The following RFT1 variants were observed in gnomAD, a reference collection of about 807,000 sequenced individuals.
RFT1 encodes the protein RFT1 glycolipid translocator homolog, also known as man(5)GlcNAc(2)-PP-dolichol translocation protein RFT1.
A neutral mutation model predicts 62.2 loss-of-function variants in RFT1; 43 were observed. The observed-to-expected ratio is 0.69, with a 90% CI of 0.54 to 0.89. RFT1 has a LOEUF of 0.89. Among genes scored for constraint, RFT1 ranks in the 40% least tolerant of loss-of-function variants. The pLI is 0.00. For synonymous variants in RFT1, 262 were observed against 264.6 expected (o/e 0.99, Z 0.10); for missense variants, 605 against 649.9 (o/e 0.93, Z 0.75).
the RFT1 span, among the ~76,000 whole-genome samples, chr3:53,077,389 GC>G: frequency 6.6e-6 from 1 of 152,208 alleles, no homozygotes; most frequent in South Asian, 2.1e-4. Flanking sequence ...ACCAATGCAT[GC>G]TACAAAGATG....
the RFT1 span, among the ~76,000 whole-genome samples, chr3:53,082,630 C>T: frequency 2.0e-5 from 3 of 152,162 alleles, no homozygotes; most frequent in East Asian, 1.9e-4. Context: ...TCTGTGCCTC[C>T]GTTTCCTCAC....
chr3:53,103,969 C>T lies in RFT1; in HGVS notation c.1086G>A (p.Met362Ile). 6.2e-7 allele frequency: 1 copy of T among 1,614,218 alleles called. No individual in the cohort carries two copies. Among genetic ancestry groups the T allele is most frequent in the Non-Finnish European group, 8.5e-7 (1 of 1,180,038 alleles). Residue 362 changes from methionine (M) to isoleucine (I), a missense_variant, in exon 10 of 13, where the codon ATG becomes ATA. Met to Ile is a conservative substitution (Grantham distance 10). Coordinates refer to ENST00000296292, the MANE Select transcript of RFT1 (RefSeq NM_052859.4). ...TGTGCGTACCGGATCCTGAGCTAAGCATGGTCCCTCCGTAGATATCCAGAG... is the reference window on the plus strand; with the variant it reads ...TGTGCGTACCGGATCCTGAGCTAAGTATGGTCCCTCCGTAGATATCCAGAG... Reference protein sequence around the residue: ...QLALDIYGGTMLSSGSGPVLL... With the variant: ...QLALDIYGGTILSSGSGPVLL...
intron 11 of RFT1, among the ~76,000 whole-genome samples, chr3:53,096,461 C>T (rs2107083736): frequency 6.6e-6 from 1 of 152,100 alleles, no homozygotes; most frequent in East Asian, 2.0e-4. Context: ...ATGGGCAGAT[C>T]ACCTGAGGTC....
At chr3:53,113,602 C>T (rs1701712290) in intron 6 of RFT1, among the ~76,000 whole-genome samples, 1 of 152,106 alleles carries the variant, frequency 6.6e-6, no homozygotes, top group Non-Finnish European at 1.5e-5. Context: ...TTTCTAGCAG[C>T]CACAGTGCAC....
At chr3:53,097,130 G>A (rs1701164747) in intron 11 of RFT1, among the ~76,000 whole-genome samples, 1 of 152,086 alleles carries the variant, frequency 6.6e-6, no homozygotes, top group African/African-American at 2.4e-5. Flanking sequence ...TTCAGAATCT[G>A]AAATGTCCAA....
chr3:53,110,663 A>G (rs1701622697), intron 7 of RFT1, among the ~76,000 whole-genome samples: 1 of 152,134 alleles, frequency 6.6e-6, no homozygotes, highest in South Asian at 2.1e-4. Context: ...GATGGGGGGG[A>G]AATAAAATAA....
chr3:53,096,340 T>G (rs1701137098), intron 11 of RFT1, among the ~76,000 whole-genome samples: 1 of 151,754 alleles, frequency 6.6e-6, no homozygotes, highest in Non-Finnish European at 1.5e-5. Context: ...TAAGGCATAA[T>G]GAAAAATCCA....
rs1025426277 is a variant in RFT1, at chr3:53,088,532, T to C, written c.*3371A>G. On this transcript the variant is annotated 3_prime_UTR_variant, in exon 13 of 13. Coordinates refer to ENST00000296292, the MANE Select transcript of RFT1 (RefSeq NM_052859.4). ...TTTATTTCTTATTAAACCAGGGGAC[T>C]GATGTGAAACTAGCAACAGGAATGC... 6.6e-6 allele frequency: 1 copy of C among 152,152 alleles called. No individual in the cohort carries two copies. The highest frequency in any genetic ancestry group is 1.5e-5 in the Non-Finnish European group (1 of 68,038). The allele number at this position is 152,152 out of a possible 1,614,324, so 9.4% of individuals were successfully genotyped here. A position where few individuals can be genotyped will look rare whatever the true frequency, so the allele number is the denominator to read the frequency against.
chr3:53,119,066 T>C (rs1010203578), intron 6 of RFT1, among the ~76,000 whole-genome samples: 3 of 152,008 alleles, frequency 2.0e-5, no homozygotes, highest in African/African-American at 7.3e-5. Context: ...ATTTTTTAAT[T>C]AGCTGGGCAT....
At chr3:53,074,207 C>G in the RFT1 span, among the ~76,000 whole-genome samples, 1 of 152,160 alleles carries the variant, frequency 6.6e-6, no homozygotes, top group Non-Finnish European at 1.5e-5. Flanking sequence ...TGACAAACAC[C>G]CCCTCTCAGC....
At chr3:53,083,400 T>C in the RFT1 span, among the ~76,000 whole-genome samples, 1 of 141,124 alleles carries the variant, frequency 7.1e-6, no homozygotes, top group Non-Finnish European at 1.5e-5. Context: ...GAGGCTGAGG[T>C]GGGAGGATCT....
At chr3:53,122,234 G>A (rs894376816) in intron 4 of RFT1, 140 bp downstream of exon 4, 5 of 833,506 alleles carry the variant, frequency 6.0e-6, no homozygotes, top group Admixed American at 4.1e-5. Context: ...GAACTTAACT[G>A]ACCATGTTAT....
intron 6 of RFT1, among the ~76,000 whole-genome samples, chr3:53,117,826 T>C (rs1028461189): frequency 1.3e-5 from 2 of 152,232 alleles, no homozygotes; most frequent in East Asian, 1.9e-4. Flanking sequence ...AGTGAGGTAC[T>C]ATTATTATCC....
At chr3:53,127,663 A>AG (rs1482684916) in intron 1 of RFT1, among the ~76,000 whole-genome samples, 2 of 151,926 alleles carry the variant, frequency 1.3e-5, no homozygotes, top group Non-Finnish European at 2.9e-5. Context: ...AAAAAAAAAA[A>AG]AAAAAAGAAA....
the RFT1 span, among the ~76,000 whole-genome samples, chr3:53,079,874 T>C: frequency 2.0e-5 from 3 of 152,098 alleles, no homozygotes; most frequent in Non-Finnish European, 2.9e-5. Flanking sequence ...AGCAAGTTTC[T>C]GGATCAGCCT....
the RFT1 span, among the ~76,000 whole-genome samples, chr3:53,068,005 T>C: frequency 6.6e-6 from 1 of 152,224 alleles, no homozygotes. Context: ...TCAAGTGGGC[T>C]GGACCACATG....
chr3:53,083,199 T>TAAA, the RFT1 span, among the ~76,000 whole-genome samples: 1 of 17,870 alleles, frequency 5.6e-5, no homozygotes, highest in Non-Finnish European at 1.2e-4. Context: ...AGATTCCATC[T>TAAA]CAAAAAAAAA....
At chr3:53,070,623 G>A in the RFT1 span, among the ~76,000 whole-genome samples, 28,108 of 151,528 alleles carry the variant, frequency 0.19, 4,184 homozygotes, top group African/African-American at 0.42. Flanking sequence ...GGCTGGTCTC[G>A]AACTCCTGAC....
intron 6 of RFT1, among the ~76,000 whole-genome samples, chr3:53,119,078 G>T (rs1575499578): frequency 6.6e-6 from 1 of 152,122 alleles, no homozygotes; most frequent in African/African-American, 2.4e-5. Context: ...GCTGGGCATG[G>T]TGGCATGTAC....
Sources: allele counts gnomAD v4.1 joint callset (sites outside exome capture counted in the v4.1 genomes callset), GRCh38; gene constraint gnomAD v4.1.1; transcripts MANE v1.5; gene names NCBI Gene and HGNC (gene_info 2026-07-23, HGNC 2026-07-21).